PIK3C2G: variants seen among roughly 807,000 people sequenced by gnomAD.
PIK3C2G encodes the protein phosphatidylinositol 3-kinase C2 domain-containing subunit gamma.
Under a neutral mutation model 181.1 loss-of-function variants are expected in PIK3C2G, and 168 were observed. The observed-to-expected ratio is 0.93, with a 90% CI of 0.82 to 1.05. The LOEUF (loss-of-function observed/expected upper bound fraction) is 1.05, where lower values mean the gene tolerates loss of function less well. PIK3C2G is among the 50% of genes least tolerant of loss of function. The pLI is 0.00. For synonymous variants in PIK3C2G, 573 were observed against 592.2 expected, an observed-to-expected ratio of 0.97 and a Z score of 0.47; for missense variants, 1,869 against 1,732.8, an observed-to-expected ratio of 1.08 and a Z score of -1.40.
intron 19 of PIK3C2G, among the ~76,000 whole-genome samples, chr12:18,489,178 T>G (rs1940335702): frequency 6.6e-6 from 1 of 152,108 alleles, no homozygotes; most frequent in South Asian, 2.1e-4. Context: ...TTGCTCTTTT[T>G]AATTATCTCC....
chr12:18,705,832 T>C, the PIK3C2G span, among the ~76,000 whole-genome samples: 1 of 151,522 alleles, frequency 6.6e-6, no homozygotes, highest in Non-Finnish European at 1.5e-5. Context: ...CGCCATTGCA[T>C]TCCAGCCTGG....
At chr12:18,373,392 C>T (rs1233251116) in intron 13 of PIK3C2G, among the ~76,000 whole-genome samples, 1 of 152,078 alleles carries the variant, frequency 6.6e-6, no homozygotes, top group African/African-American at 2.4e-5. Context: ...TGAAAATATG[C>T]AGAATTAAAG....
At chr12:18,589,022 A>G (rs1276879748) in intron 29 of PIK3C2G, among the ~76,000 whole-genome samples, 2 of 152,102 alleles carry the variant, frequency 1.3e-5, no homozygotes, top group East Asian at 3.9e-4. Context: ...GTTCTCATTT[A>G]TAAGTGGGAG....
At chr12:18,564,925 T>C (rs1945544786) in intron 28 of PIK3C2G, among the ~76,000 whole-genome samples, 1 of 152,226 alleles carries the variant, frequency 6.6e-6, no homozygotes, top group Non-Finnish European at 1.5e-5. Context: ...GTATAACTTG[T>C]AAAACTTTAA....
At chr12:18,462,476 G>C (rs971675564) in intron 18 of PIK3C2G, among the ~76,000 whole-genome samples, 1 of 152,122 alleles carries the variant, frequency 6.6e-6, no homozygotes, top group Non-Finnish European at 1.5e-5. Context: ...CAAGTAAGCA[G>C]TCCATTTCTC....
At chr12:18,615,375 G>GTGTGTATGCA (rs1555150547) in intron 31 of PIK3C2G, among the ~76,000 whole-genome samples, 7 of 89,578 alleles carry the variant, frequency 7.8e-5, no homozygotes, top group African/African-American at 1.8e-4. Context: ...GTGTGTATGT[G>GTGTGTATGCA]TATATATATA....
intron 18 of PIK3C2G, among the ~76,000 whole-genome samples, chr12:18,445,725 A>C (rs1412116065): frequency 6.6e-6 from 1 of 152,200 alleles, no homozygotes; most frequent in Non-Finnish European, 1.5e-5. Context: ...TCATCCAAAT[A>C]AAATCTTATT....
intron 24 of PIK3C2G, among the ~76,000 whole-genome samples, chr12:18,537,459 G>A (rs1943920162): frequency 6.6e-6 from 1 of 151,216 alleles, no homozygotes; most frequent in Non-Finnish European, 1.5e-5. Flanking sequence ...TATCTTAAAT[G>A]ACATGATAAA....
intron 25 of PIK3C2G, among the ~76,000 whole-genome samples, chr12:18,539,244 A>C (rs1944023375): frequency 6.6e-6 from 1 of 151,950 alleles, no homozygotes; most frequent in Admixed American, 6.6e-5. Context: ...TTATCTGTTA[A>C]ATGAAGATAA....
chr12:18,458,719 G>C (rs889682452), intron 18 of PIK3C2G, among the ~76,000 whole-genome samples: 1 of 151,972 alleles, frequency 6.6e-6, no homozygotes, highest in African/African-American at 2.4e-5. Context: ...AAAACAAAGT[G>C]AGAGATTCAA....
intron 30 of PIK3C2G, among the ~76,000 whole-genome samples, chr12:18,602,097 T>C (rs572561011): frequency 1.3e-5 from 2 of 152,232 alleles, no homozygotes; most frequent in African/African-American, 4.8e-5. Flanking sequence ...GGGGAAGAAC[T>C]AAAGCCCTTT....
chr12:18,249,753 T>C (rs766144783), intron 1 of PIK3C2G, among the ~76,000 whole-genome samples: 6 of 145,554 alleles, frequency 4.1e-5, no homozygotes, highest in Admixed American at 1.4e-4. Context: ...TAAACAGAAA[T>C]TAGAAATTGA....
chr12:18,705,641 G>A, the PIK3C2G span, among the ~76,000 whole-genome samples: 305 of 151,910 alleles, frequency 2.0e-3, 1 homozygote, highest in Middle Eastern at 3.4e-3. Context: ...TGAGGCGGGC[G>A]GATCACCTGA....
chr12:18,448,856 C>T (rs1184127763), intron 18 of PIK3C2G, among the ~76,000 whole-genome samples: 3 of 151,352 alleles, frequency 2.0e-5, no homozygotes, highest in African/African-American at 7.3e-5. Context: ...TATATCTCCA[C>T]CACAATTAAT....
At chr12:18,384,611 G>A (rs191786411) in intron 14 of PIK3C2G, among the ~76,000 whole-genome samples, 558 of 152,162 alleles carry the variant, frequency 3.7e-3, no homozygotes, top group Non-Finnish European at 5.6e-3. Flanking sequence ...AGGAGAAGAA[G>A]GTCTATCAGA....
intron 18 of PIK3C2G, among the ~76,000 whole-genome samples, chr12:18,465,505 G>A (rs558441741): frequency 6.6e-6 from 1 of 151,736 alleles, no homozygotes; most frequent in South Asian, 2.1e-4. Context: ...TGCAAACTCT[G>A]GCCCTTTTTA....
intron 26 of PIK3C2G, among the ~76,000 whole-genome samples, chr12:18,553,160 C>T (rs189201596): frequency 6.6e-6 from 1 of 152,174 alleles, no homozygotes; most frequent in Admixed American, 6.5e-5. Flanking sequence ...AGGCTACAAT[C>T]GTTTACTATT....
chr12:18,608,275 C>G (rs1389789871), intron 30 of PIK3C2G, among the ~76,000 whole-genome samples: 1 of 152,002 alleles, frequency 6.6e-6, no homozygotes, highest in Non-Finnish European at 1.5e-5. Flanking sequence ...TATTGCGGCA[C>G]TATTCACAAT....
the PIK3C2G span, among the ~76,000 whole-genome samples, chr12:18,704,906 T>C: frequency 1.3e-5 from 2 of 152,132 alleles, no homozygotes. Flanking sequence ...TACTAATTGC[T>C]TTGATATTGT....
Sources: allele counts gnomAD v4.1 joint callset (sites outside exome capture counted in the v4.1 genomes callset), GRCh38; gene constraint gnomAD v4.1.1; transcripts MANE v1.5; gene names NCBI Gene and HGNC (gene_info 2026-07-23, HGNC 2026-07-21).